MYO1D: variants seen among roughly 807,000 people sequenced by gnomAD.
MYO1D encodes unconventional myosin-Id.
A neutral mutation model predicts 122.0 loss-of-function variants in MYO1D; 83 were observed. The observed-to-expected ratio is 0.68, with a 90% CI of 0.57 to 0.82. The LOEUF (loss-of-function observed/expected upper bound fraction) is 0.82. Among genes scored for constraint, MYO1D ranks in the 40% least tolerant of loss-of-function variants. The probability of loss-of-function intolerance (pLI) is 0.00; values close to 1 mark genes in which losing one functional copy is unlikely to be tolerated. For synonymous variants in MYO1D, 464 were observed against 446.9 expected (o/e 1.04, Z -0.48); for missense variants, 1,157 against 1,269.5 (o/e 0.91, Z 1.35).
chr17:32,780,546 T>C (rs775143266), intron 2 of MYO1D, 30 bp downstream of exon 2: 5 of 1,599,162 alleles, frequency 3.1e-6, no homozygotes, highest in East Asian at 2.2e-5. Flanking sequence ...CATTGTGACT[T>C]TGGAAATACA....
At chr17:32,517,910 A>T (rs1409269346) in intron 21 of MYO1D, among the ~76,000 whole-genome samples, 1 of 152,136 alleles carries the variant, frequency 6.6e-6, no homozygotes, top group Non-Finnish European at 1.5e-5. Context: ...TCAGAGGAGG[A>T]TGTGGAGATG....
intron 13 of MYO1D, among the ~76,000 whole-genome samples, chr17:32,740,542 G>A (rs2089760325): frequency 6.6e-6 from 1 of 152,164 alleles, no homozygotes; most frequent in East Asian, 1.9e-4. Flanking sequence ...GCAGTGGTGA[G>A]ATGATAGCTC....
intron 6 of MYO1D, among the ~76,000 whole-genome samples, chr17:32,768,568 G>A (rs1368272936): frequency 2.6e-5 from 4 of 152,170 alleles, no homozygotes; most frequent in Non-Finnish European, 5.9e-5. Flanking sequence ...ACTTGTTGAG[G>A]AAGGGCCCTG....
At chr17:32,590,041 T>C (rs963938480) in intron 21 of MYO1D, among the ~76,000 whole-genome samples, 1 of 152,262 alleles carries the variant, frequency 6.6e-6, no homozygotes, top group Non-Finnish European at 1.5e-5. Flanking sequence ...TTCTTGAGCA[T>C]GTATAGGCTA....
chr17:32,699,194 A>G (rs1490159225), intron 16 of MYO1D, among the ~76,000 whole-genome samples: 1 of 151,964 alleles, frequency 6.6e-6, no homozygotes, highest in Non-Finnish European at 1.5e-5. Flanking sequence ...CGAACTCCCG[A>G]CCTCGTGATC....
At chr17:32,654,941 G>C (rs1235125358) in intron 17 of MYO1D, among the ~76,000 whole-genome samples, 26 of 152,168 alleles carry the variant, frequency 1.7e-4, no homozygotes. Context: ...GCCTCCCAAA[G>C]TGCTGGGATT....
chr17:32,614,861 G>C (rs547190025), intron 20 of MYO1D, among the ~76,000 whole-genome samples: 1 of 152,242 alleles, frequency 6.6e-6, no homozygotes, highest in African/African-American at 2.4e-5. Flanking sequence ...TCGTGTGCAG[G>C]TGCTCTGGTC....
intron 21 of MYO1D, among the ~76,000 whole-genome samples, chr17:32,596,849 G>A (rs1484111277): frequency 6.6e-6 from 1 of 152,186 alleles, no homozygotes; most frequent in Non-Finnish European, 1.5e-5. Context: ...TTCATAGTTA[G>A]GGCAGCCAAC....
At chr17:32,786,194 T>A (rs1027880195) in intron 1 of MYO1D, among the ~76,000 whole-genome samples, 1 of 152,006 alleles carries the variant, frequency 6.6e-6, no homozygotes, top group African/African-American at 2.4e-5. Flanking sequence ...ACAAAATAAG[T>A]CCCATTTGAC....
intron 4 of MYO1D, 51 bp from the exon 5 acceptor site, chr17:32,772,893 A>G: frequency 6.8e-7 from 1 of 1,472,160 alleles, no homozygotes; most frequent in Non-Finnish European, 9.5e-7. Context: ...CCCCTAAAAT[A>G]AAACAGGAGC....
At chr17:32,545,182 G>A (rs2086955949) in intron 21 of MYO1D, among the ~76,000 whole-genome samples, 1 of 152,202 alleles carries the variant, frequency 6.6e-6, no homozygotes, top group Admixed American at 6.5e-5. Context: ...AAACCAAGGA[G>A]TCAGACTCGA....
chr17:32,688,533 G>A (rs562719845), intron 16 of MYO1D, among the ~76,000 whole-genome samples: 4 of 152,296 alleles, frequency 2.6e-5, no homozygotes, highest in Non-Finnish European at 5.9e-5. Context: ...ACTTTAGTGA[G>A]GAGGCAGAAT....
chr17:32,691,259 CAAAA>C (rs35755676), intron 16 of MYO1D, among the ~76,000 whole-genome samples: 6 of 121,998 alleles, frequency 4.9e-5, no homozygotes, highest in African/African-American at 6.5e-5. Context: ...GACACTGCCT[CAAAA>C]AAAAAAAAAA....
intron 17 of MYO1D, among the ~76,000 whole-genome samples, chr17:32,656,791 C>G (rs144138667): frequency 9.0e-4 from 137 of 152,338 alleles, no homozygotes; most frequent in African/African-American, 3.3e-3. Flanking sequence ...TCTTACAATA[C>G]TCAGTGGCTT....
intron 14 of MYO1D, among the ~76,000 whole-genome samples, chr17:32,736,179 C>T (rs1446536949): frequency 6.6e-6 from 1 of 152,012 alleles, no homozygotes; most frequent in African/African-American, 2.4e-5. Flanking sequence ...TCCCTTCTCC[C>T]CTGATCTCCA....
intron 21 of MYO1D, among the ~76,000 whole-genome samples, chr17:32,587,578 T>C (rs929800004): frequency 6.6e-6 from 1 of 151,986 alleles, no homozygotes; most frequent in Admixed American, 6.6e-5. Flanking sequence ...GCTGAATGAC[T>C]AGTTTGCCAA....
At chr17:32,762,899 A>C (rs1223925244) in intron 8 of MYO1D, among the ~76,000 whole-genome samples, 1 of 150,822 alleles carries the variant, frequency 6.6e-6, no homozygotes, top group African/African-American at 2.4e-5. Context: ...AAAAAAAGAC[A>C]AAAAAACGGC....
At chr17:32,592,721 G>C (rs2087449259) in intron 21 of MYO1D, among the ~76,000 whole-genome samples, 1 of 151,028 alleles carries the variant, frequency 6.6e-6, no homozygotes, top group African/African-American at 2.4e-5. Flanking sequence ...ACAAATGTTC[G>C]ATATAACTTA....
intron 16 of MYO1D, among the ~76,000 whole-genome samples, chr17:32,696,832 C>T (rs1268970571): frequency 1.3e-5 from 2 of 152,170 alleles, no homozygotes; most frequent in Non-Finnish European, 2.9e-5. Flanking sequence ...GAAAACTTTG[C>T]TTTCTACATT....
Sources: allele counts gnomAD v4.1 joint callset (sites outside exome capture counted in the v4.1 genomes callset), GRCh38; gene constraint gnomAD v4.1.1; transcripts MANE v1.5; gene names NCBI Gene and HGNC (gene_info 2026-07-23, HGNC 2026-07-21).